Variants in CTNNA2 observed in about 807,000 individuals in gnomAD.
CTNNA2 encodes the protein catenin alpha-2.
Under a neutral mutation model 101.0 loss-of-function variants are expected in CTNNA2, and 42 were observed. The observed-to-expected ratio is 0.42, with a 90% CI of 0.32 to 0.54. CTNNA2 has a LOEUF of 0.54. Among genes scored for constraint, CTNNA2 ranks in the 20% least tolerant of loss-of-function variants. CTNNA2 has a pLI of 0.14. For synonymous variants in CTNNA2, 450 were observed against 456.4 expected (o/e 0.99, Z 0.18); for missense variants, 871 against 1,223.1 (o/e 0.71, Z 4.29).
At chr2:79,799,218 CT>C (rs1353826460) in intron 3 of CTNNA2, among the ~76,000 whole-genome samples, 1 of 151,646 alleles carries the variant, frequency 6.6e-6, no homozygotes, top group Non-Finnish European at 1.5e-5. Flanking sequence ...CTCATTCCCC[CT>C]CTTCTTAAAT....
chr2:79,863,489 T>C (rs1450119181), intron 4 of CTNNA2, among the ~76,000 whole-genome samples: 1 of 152,008 alleles, frequency 6.6e-6, no homozygotes, highest in African/African-American at 2.4e-5. Flanking sequence ...GGGCTGAAAG[T>C]TGGGGATAAG....
intron 2 of CTNNA2, among the ~76,000 whole-genome samples, chr2:79,205,186 T>TA (rs1195105271): frequency 1.3e-5 from 2 of 152,022 alleles, no homozygotes; most frequent in Admixed American, 6.6e-5. Flanking sequence ...AGCTTCCATA[T>TA]AAAAAAATAA....
At chr2:79,553,673 C>T (rs1435299213) in intron 1 of CTNNA2, among the ~76,000 whole-genome samples, 2 of 152,084 alleles carry the variant, frequency 1.3e-5, no homozygotes, top group Admixed American at 1.3e-4. Context: ...TTTTAAACAA[C>T]CAGATCTTGT....
intron 2 of CTNNA2, among the ~76,000 whole-genome samples, chr2:79,671,359 C>T (rs1253507458): frequency 1.3e-5 from 2 of 152,180 alleles, no homozygotes; most frequent in Non-Finnish European, 2.9e-5. Context: ...CCTTCAAGTT[C>T]CTGAGTACTT....
At chr2:80,461,273 C>G (rs904077939) in intron 9 of CTNNA2, among the ~76,000 whole-genome samples, 4 of 152,184 alleles carry the variant, frequency 2.6e-5, no homozygotes, top group African/African-American at 9.7e-5. Context: ...CCATGCCTGA[C>G]ATGATGTCTG....
chr2:79,288,284 C>G (rs1436382152), intron 2 of CTNNA2, among the ~76,000 whole-genome samples: 1 of 152,186 alleles, frequency 6.6e-6, no homozygotes, highest in African/African-American at 2.4e-5. Flanking sequence ...ATACTTTTAT[C>G]TTTTTGGTCT....
chr2:79,440,483 T>C (rs1265652737), intron 4 of CTNNA2, among the ~76,000 whole-genome samples: 1 of 152,184 alleles, frequency 6.6e-6, no homozygotes, highest in African/African-American at 2.4e-5. Context: ...CTATTTTTAT[T>C]ATAAACAGAA....
chr2:79,817,075 G>A (rs964660565), intron 3 of CTNNA2, among the ~76,000 whole-genome samples: 2 of 151,212 alleles, frequency 1.3e-5, no homozygotes, highest in African/African-American at 2.4e-5. Context: ...TAGGATACAT[G>A]TGCCCAACGT....
At position 79,530,051 on chromosome 2, in the gene CTNNA2, C is replaced by A. The variant is rs200058313; in HGVS notation, c.-6+16844C>A. Among the ~76,000 whole-genome samples, 56 of 152,158 alleles carry A rather than the reference C, an allele frequency of 3.7e-4. 1 individual carries two copies. In the East Asian group the frequency reaches 5.4e-3, roughly 15 times the overall value. On this transcript the variant is annotated intron_variant, in intron 1 of 18. Transcript: ENST00000402739. ...CAGATCAGCAGCTAAACAATGACCC[C>A]ATGTCCACTTTGTGGTCTGCTCTGA...
chr2:80,000,685 G>C (rs889082641), intron 7 of CTNNA2, among the ~76,000 whole-genome samples: 10 of 152,148 alleles, frequency 6.6e-5, no homozygotes, highest in African/African-American at 2.2e-4. Flanking sequence ...CCATGGAGAA[G>C]TAGTGTACAG....
intron 2 of CTNNA2, among the ~76,000 whole-genome samples, chr2:79,249,843 T>C (rs1182885808): frequency 1.3e-5 from 2 of 152,234 alleles, no homozygotes; most frequent in South Asian, 2.1e-4. Context: ...CTTCTCCTAA[T>C]AGTATGGGTC....
intron 3 of CTNNA2, among the ~76,000 whole-genome samples, chr2:79,833,028 A>G (rs967682387): frequency 6.6e-6 from 1 of 152,252 alleles, no homozygotes; most frequent in Non-Finnish European, 1.5e-5. Flanking sequence ...ATTTGTAAAC[A>G]TAGTGATATA....
chr2:79,941,943 T>G lies in CTNNA2; in HGVS notation c.1056+32146T>G, dbSNP rs191515776. On this transcript the variant is annotated intron_variant, in intron 7 of 18. Coordinates refer to ENST00000402739, the MANE Select transcript of CTNNA2 (RefSeq NM_001282597.3). ...TCAGAAAACTATTTTTTAAAGGATCTGTAGAAATTCTTAAAGATCCTACAA... is the reference window on the plus strand; with the variant it reads ...TCAGAAAACTATTTTTTAAAGGATCGGTAGAAATTCTTAAAGATCCTACAA... 1.5e-3 allele frequency among the ~76,000 whole-genome samples: 226 copies of G among 152,316 alleles called. 1 individual carries two copies. Among genetic ancestry groups the G allele is most frequent in the Non-Finnish European group, 2.2e-3 (152 of 68,026 alleles).
intron 7 of CTNNA2, among the ~76,000 whole-genome samples, chr2:80,238,605 A>G (rs947067462): frequency 2.6e-5 from 4 of 152,148 alleles, no homozygotes; most frequent in African/African-American, 9.7e-5. Context: ...AAGAACATGA[A>G]ACAGTTCCTG....
At chr2:80,126,112 C>G (rs1702094107) in intron 7 of CTNNA2, among the ~76,000 whole-genome samples, 1 of 152,120 alleles carries the variant, frequency 6.6e-6, no homozygotes, top group Non-Finnish European at 1.5e-5. Context: ...GCTGTTTCTG[C>G]TCCTGCTTCT....
intron 9 of CTNNA2, among the ~76,000 whole-genome samples, chr2:80,509,714 T>G (rs975491266): frequency 1.3e-5 from 2 of 152,180 alleles, no homozygotes; most frequent in African/African-American, 4.8e-5. Context: ...AGATAATGGT[T>G]GTCATCAGTC....
At chr2:79,903,533 A>T (rs1005698199) in intron 6 of CTNNA2, among the ~76,000 whole-genome samples, 1 of 152,064 alleles carries the variant, frequency 6.6e-6, no homozygotes, top group Non-Finnish European at 1.5e-5. Context: ...TCTCTCTCCA[A>T]CTGCATCTCC....
chr2:80,346,094 G>A (rs1324447769), intron 7 of CTNNA2, among the ~76,000 whole-genome samples: 1 of 152,130 alleles, frequency 6.6e-6, no homozygotes, highest in East Asian at 1.9e-4. Context: ...ATTCAGATCT[G>A]TTTATTTATT....
intron 7 of CTNNA2, among the ~76,000 whole-genome samples, chr2:80,255,581 C>G (rs1297770641): frequency 6.6e-6 from 1 of 152,156 alleles, no homozygotes; most frequent in Admixed American, 6.5e-5. Context: ...GAAAATTTGT[C>G]CATCAAACTC....
Sources: gnomAD v4.1 joint callset for allele counts (sites outside exome capture counted in the v4.1 genomes callset) on GRCh38, gnomAD v4.1.1 for gene constraint, MANE v1.5 for transcripts, NCBI Gene and HGNC (gene_info 2026-07-23, HGNC 2026-07-21) for gene names.